Variants in CLDN10 observed in about 807,000 individuals in gnomAD.
CLDN10 encodes the protein claudin 10, also known as claudin-10.
A neutral mutation model predicts 22.9 loss-of-function variants in CLDN10; 15 were observed. The ratio of observed to expected loss-of-function variants is 0.65; its 90% CI spans 0.44 to 1.01. The LOEUF (loss-of-function observed/expected upper bound fraction) is 1.01, where lower values mean the gene tolerates loss of function less well. Among genes scored for constraint, CLDN10 ranks in the 50% least tolerant of loss-of-function variants. The probability of loss-of-function intolerance (pLI) is 0.00; values close to 1 mark genes in which losing one functional copy is unlikely to be tolerated. For missense variants in CLDN10, 247 were observed against 287.8 expected (o/e 0.86, Z 1.03); for synonymous variants, 114 against 111.4 (o/e 1.02, Z -0.15).
rs1289302853 is a variant in CLDN10 at position 95,578,173 on chromosome 13, G to GTTAGT, written c.*161_*165dup. ...GTATGGATGTAAGTGTTCTTACATA[G>GTTAGT]TTAGTTATATACTAATCATTTTCTG... On this transcript the variant is annotated 3_prime_UTR_variant, in exon 5 of 5. Transcript: ENST00000299339. 1.9e-6 allele frequency: 1 copy of GTTAGT among 525,432 alleles called. No individual in the cohort carries two copies. Among genetic ancestry groups the GTTAGT allele is most frequent in the Non-Finnish European group, 3.4e-6 (1 of 294,432 alleles). 32.5% of individuals were successfully genotyped at this position (525,432 alleles called of 1,614,324 possible). A position where few individuals can be genotyped will look rare whatever the true frequency, so the allele number is the denominator to read the frequency against.
At chr13:95,562,208 A>G (rs999174073) in intron 3 of CLDN10, among the ~76,000 whole-genome samples, 1 of 152,062 alleles carries the variant, frequency 6.6e-6, no homozygotes, top group Non-Finnish European at 1.5e-5. Flanking sequence ...CTGGGATTAC[A>G]GGTGTGAGCC....
chr13:95,455,488 T>C (rs574343680), intron 1 of CLDN10, among the ~76,000 whole-genome samples: 1 of 152,280 alleles, frequency 6.6e-6, no homozygotes, highest in South Asian at 2.1e-4. Flanking sequence ...TCTAAAATCC[T>C]AGAGAACAGA....
intron 1 of CLDN10, among the ~76,000 whole-genome samples, chr13:95,456,771 A>C (rs1181497646): frequency 6.6e-6 from 1 of 152,192 alleles, no homozygotes; most frequent in Non-Finnish European, 1.5e-5. Flanking sequence ...GAAACAAAAC[A>C]AAATGAAACA....
At chr13:95,437,676 C>T (rs1479309962) in intron 1 of CLDN10, among the ~76,000 whole-genome samples, 1 of 152,116 alleles carries the variant, frequency 6.6e-6, no homozygotes, top group Non-Finnish European at 1.5e-5. Flanking sequence ...ACAGATGGTT[C>T]GCGATGAGGG....
intron 1 of CLDN10, among the ~76,000 whole-genome samples, chr13:95,488,368 A>C (rs2042829152): frequency 6.6e-6 from 1 of 151,412 alleles, no homozygotes; most frequent in African/African-American, 2.4e-5. Flanking sequence ...ACAATTTTTT[A>C]ACAATTTTTT....
chr13:95,518,503 C>T (rs1187737654), intron 1 of CLDN10, among the ~76,000 whole-genome samples: 1 of 152,096 alleles, frequency 6.6e-6, no homozygotes, highest in East Asian at 1.9e-4. Context: ...CGCCTGTAAT[C>T]CCAGCACTTT....
At chr13:95,557,333 A>G (rs1370899603) in intron 1 of CLDN10, among the ~76,000 whole-genome samples, 1 of 152,182 alleles carries the variant, frequency 6.6e-6, no homozygotes, top group East Asian at 1.9e-4. Flanking sequence ...AACTGTTAGA[A>G]AGCAAGGCTG....
intron 1 of CLDN10, among the ~76,000 whole-genome samples, chr13:95,459,084 A>G (rs767143546): frequency 6.6e-6 from 1 of 152,208 alleles, no homozygotes; most frequent in Non-Finnish European, 1.5e-5. Context: ...GCCATGTCCT[A>G]CATCCAGGTC....
intron 1 of CLDN10, among the ~76,000 whole-genome samples, chr13:95,468,380 C>T (rs1227203875): frequency 2.6e-5 from 4 of 152,082 alleles, no homozygotes; most frequent in Admixed American, 1.3e-4. Context: ...GATGTTGAAT[C>T]GACCATTTCT....
intron 1 of CLDN10, among the ~76,000 whole-genome samples, chr13:95,488,081 G>A (rs1010250319): frequency 1.3e-5 from 2 of 151,552 alleles, no homozygotes; most frequent in African/African-American, 4.9e-5. Context: ...CACCTCCCGG[G>A]TTCAAGCAAT....
upstream of CLDN10, among the ~76,000 whole-genome samples, chr13:95,548,790 C>A (rs906184286): frequency 1.3e-5 from 2 of 152,100 alleles, no homozygotes; most frequent in Non-Finnish European, 2.9e-5. Flanking sequence ...AGTTTCTTCC[C>A]ACCTGATTAG....
intron 1 of CLDN10, among the ~76,000 whole-genome samples, chr13:95,544,839 C>A (rs771800403): frequency 2.0e-5 from 3 of 151,400 alleles, no homozygotes; most frequent in Admixed American, 6.6e-5. Context: ...TGCAGTGGTG[C>A]GATCTCAGCT....
At chr13:95,500,162 A>C (rs1336390705) in intron 1 of CLDN10, among the ~76,000 whole-genome samples, 1 of 151,340 alleles carries the variant, frequency 6.6e-6, no homozygotes, top group Non-Finnish European at 1.5e-5. Flanking sequence ...CCTCGAATAA[A>C]GCCCAAAGGC....
At chr13:95,550,749 T>G (rs2043554715), upstream of CLDN10, among the ~76,000 whole-genome samples, 1 of 151,734 alleles carries the variant, frequency 6.6e-6, no homozygotes, top group African/African-American at 2.4e-5. Context: ...TAGAGGATGC[T>G]TTGTAGTCAT....
At chr13:95,521,040 G>A (rs1426139957) in intron 1 of CLDN10, among the ~76,000 whole-genome samples, 1 of 151,560 alleles carries the variant, frequency 6.6e-6, no homozygotes, top group African/African-American at 2.4e-5. Flanking sequence ...TTTGGATTTA[G>A]CAAACTTGCT....
In CLDN10 at chr13:95,466,876, C is replaced by CTTT. The variant is rs1312550565; in HGVS notation, c.214+32845_214+32847dup. Among the ~76,000 whole-genome samples the CTTT allele has an allele frequency of 5.1e-5, 7 of 136,884 alleles. 1 individual carries two copies. Among genetic ancestry groups the CTTT allele is most frequent in the Non-Finnish European group, 6.3e-5 (4 of 63,314 alleles). 89.8% of individuals were successfully genotyped at this position (136,884 alleles called of 152,430 possible). ...TTTTGTTTCCTCTATACCCCCTCTA[C>CTTT]TTTTTTTTTTTTTTTTTTGAGACAG... On this transcript the variant is annotated intron_variant, in intron 1 of 4. Coordinates refer to the CLDN10 transcript ENST00000376873.
intron 3 of CLDN10, among the ~76,000 whole-genome samples, chr13:95,573,717 T>TTG (rs34469647): frequency 7.2e-4 from 107 of 149,044 alleles, no homozygotes; most frequent in East Asian, 5.7e-3. Flanking sequence ...TTATTTTTAT[T>TTG]TGTGTGTGTG....
At chr13:95,565,310 A>C (rs1431718519) in intron 3 of CLDN10, among the ~76,000 whole-genome samples, 1 of 152,196 alleles carries the variant, frequency 6.6e-6, no homozygotes, top group Non-Finnish European at 1.5e-5. Flanking sequence ...GAATTGATCA[A>C]CATTAAGAAA....
intron 1 of CLDN10, among the ~76,000 whole-genome samples, chr13:95,439,256 G>A (rs902661958): frequency 6.6e-5 from 10 of 152,202 alleles, no homozygotes; most frequent in South Asian, 4.1e-4. Context: ...GATTCAGTGC[G>A]TGGTGAGGGC....
Sources: gnomAD v4.1 joint callset for allele counts (sites outside exome capture counted in the v4.1 genomes callset) on GRCh38, gnomAD v4.1.1 for gene constraint, MANE v1.5 for transcripts, NCBI Gene and HGNC (gene_info 2026-07-23, HGNC 2026-07-21) for gene names.